TG: variants seen among roughly 807,000 people sequenced by gnomAD.
TG encodes the protein thyroglobulin, also known as thyroid hormones.
In TG, 270 loss-of-function variants were observed where a neutral mutation model predicts 324.7. That is an observed-to-expected ratio of 0.83 (90% CI 0.75 to 0.92). The LOEUF is 0.92. Among genes scored for constraint, TG ranks in the 40% least tolerant of loss-of-function variants. The probability of loss-of-function intolerance (pLI) is 0.00; values close to 1 mark genes in which losing one functional copy is unlikely to be tolerated. For synonymous variants in TG, 1,401 were observed against 1,327.0 expected (o/e 1.06, Z -1.21); for missense variants, 3,591 against 3,456.4 (o/e 1.04, Z -0.98).
At chr8:132,981,329 C>A (rs578097727) in intron 34 of TG, among the ~76,000 whole-genome samples, 1 of 152,282 alleles carries the variant, frequency 6.6e-6, no homozygotes, top group East Asian at 1.9e-4. Flanking sequence ...GAGATGTTTC[C>A]TTTGCAAACA....
intron 2 of TG, among the ~76,000 whole-genome samples, chr8:132,869,128 C>G (rs1490494327): frequency 6.6e-6 from 1 of 152,196 alleles, no homozygotes; most frequent in East Asian, 1.9e-4. Flanking sequence ...ATTCCCAACT[C>G]TCTTGTTCTG....
rs1292165083 is a variant in TG at position 132,965,878 on chromosome 8, CA to C, written c.5549-680del. Among the ~76,000 whole-genome samples, 12 of 152,284 alleles carry C rather than the reference CA, an allele frequency of 7.9e-5. No individual in the cohort carries two copies. The East Asian group carries it at 2.3e-3, about 29-fold the overall frequency. ...ACAATCCGAGTTGAGGCTGAAAATG[CA>C]AGTAGAGCCCAGATTAAGAAAAGAA... On this transcript the variant is annotated intron_variant, in intron 29 of 47. Coordinates refer to ENST00000220616, the MANE Select transcript of TG (RefSeq NM_003235.5).
intron 1 of TG, 86 bp from the exon 2 acceptor site, chr8:132,868,028 GA>G (rs541463839): frequency 1.1e-5 from 13 of 1,230,112 alleles, no homozygotes; most frequent in Non-Finnish European, 1.6e-5. Context: ...GATGACCCTG[GA>G]AAAGCATCTG....
At chr8:132,935,895 C>A (rs369702130) in intron 25 of TG, 31 bp downstream of exon 25, 1 of 1,569,244 alleles carries the variant, frequency 6.4e-7, no homozygotes, top group Non-Finnish European at 8.8e-7. Flanking sequence ...GGCTTAGGCC[C>A]GCGGTGGCTT....
intron 41 of TG, among the ~76,000 whole-genome samples, chr8:133,039,206 A>G (rs1285465554): frequency 6.6e-6 from 1 of 152,134 alleles, no homozygotes; most frequent in Non-Finnish European, 1.5e-5. Context: ...TTATTACCCT[A>G]ACCTATTACT....
Position 133,022,029 on chromosome 8 carries a change from C to T in TG, c.6915C>T (p.Thr2305=). 2.5e-6 allele frequency: 4 copies of T among 1,614,168 alleles called. No individual in the cohort carries two copies. The highest frequency in any genetic ancestry group is 3.4e-6 in the Non-Finnish European group (4 of 1,180,038). ...NASVLVFFHN[T]MDREESEGWP... Reference sequence around the variant, plus strand: ...CTGTGCTGGTGTTCTTCCACAACACCATGGACAGGGAGGAGAGTGAAGGAT... The same window carrying T: ...CTGTGCTGGTGTTCTTCCACAACACTATGGACAGGGAGGAGAGTGAAGGAT... The change falls in exon 40 of 48, where the codon ACC becomes ACT. Residue 2305 remains threonine (T), a synonymous_variant. Coordinates refer to ENST00000220616, the MANE Select transcript of TG (RefSeq NM_003235.5).
intron 40 of TG, 41 bp downstream of exon 40, chr8:133,022,191 C>A: frequency 6.2e-7 from 1 of 1,613,344 alleles, no homozygotes; most frequent in Non-Finnish European, 8.5e-7. Context: ...ACCCCCTGAG[C>A]CAAGGCTCAG....
At chr8:133,002,935 A>G in intron 35 of TG, 1 of 958,506 alleles carries the variant, frequency 1.0e-6, no homozygotes, top group African/African-American at 1.8e-5. Flanking sequence ...ACCTTTTTGA[A>G]CAGTGCCCAT....
At chr8:132,980,245 A>G (rs114531507) in intron 34 of TG, among the ~76,000 whole-genome samples, 2,466 of 152,202 alleles carry the variant, frequency 0.016, 72 homozygotes, top group African/African-American at 0.057. Flanking sequence ...AGAGTAGAAG[A>G]TTGAAACTCT....
intron 37 of TG, among the ~76,000 whole-genome samples, chr8:133,017,125 A>G (rs1222359067): frequency 6.6e-6 from 1 of 152,166 alleles, no homozygotes; most frequent in Non-Finnish European, 1.5e-5. Flanking sequence ...TTTGAATCCT[A>G]CATCACCCTA....
chr8:133,017,461 T>C (rs994704087), intron 37 of TG, among the ~76,000 whole-genome samples: 3 of 152,290 alleles, frequency 2.0e-5, no homozygotes, highest in African/African-American at 7.2e-5. Flanking sequence ...TGCTGTTTGC[T>C]TCTCTGTTCT....
intron 35 of TG, among the ~76,000 whole-genome samples, chr8:132,987,401 T>C (rs1244112547): frequency 2.0e-5 from 3 of 150,200 alleles, no homozygotes; most frequent in African/African-American, 7.4e-5. Flanking sequence ...ACGTATGCAC[T>C]GTGTATATGT....
rs752217675 is a variant in TG, at chr8:132,911,414, G to C, written c.4040G>C (p.Cys1347Ser). 2 of 1,614,210 alleles carry C rather than the reference G, an allele frequency of 1.2e-6. No homozygotes were observed. The highest frequency in any genetic ancestry group is 3.3e-5 in the Admixed American group (2 of 60,026). ...TFGTLVSIPV[C>S]NNSSVQVGCL... is the part of the protein sequence containing the mutation. ...GGCACCCTGGTTTCCATTCCTGTCT[G>C]CAACAACTCCTCTGTGCAGGTGGGT... Residue 1347 changes from cysteine to serine, a missense_variant, in exon 19 of 48, where the codon TGC becomes TCC. Coordinates refer to ENST00000220616, the MANE Select transcript of TG (RefSeq NM_003235.5).
At chr8:132,948,239 G>T (rs1825608454) in intron 26 of TG, among the ~76,000 whole-genome samples, 1 of 89,796 alleles carries the variant, frequency 1.1e-5, no homozygotes, top group Non-Finnish European at 2.2e-5. Context: ...GACCCTTCAA[G>T]GTTGATCTTG....
intron 35 of TG, among the ~76,000 whole-genome samples, chr8:133,005,307 G>A (rs1210733975): frequency 6.6e-6 from 1 of 152,130 alleles, no homozygotes; most frequent in Admixed American, 6.5e-5. Flanking sequence ...GGGGCGAGGG[G>A]AGGAGGGGTC....
rs755217085 is a variant in TG, at chr8:133,013,772, C to A, written c.6562+8C>A. 70 of 1,607,288 alleles carry A rather than the reference C, an allele frequency of 4.4e-5. No individual in the cohort carries two copies. The highest frequency in any genetic ancestry group is 5.8e-5 in the Non-Finnish European group (68 of 1,179,640). On this transcript the variant is annotated splice_region_variant and intron_variant, in intron 37 of 47. Coordinates refer to ENST00000220616, the MANE Select transcript of TG (RefSeq NM_003235.5). ...ACATCTACCGGAAGCCAGGTAAGCC[C>A]AAGCCTATGCCTTTGCAGCCATCCT...
chr8:133,000,597 A>G (rs1833368594), intron 35 of TG, among the ~76,000 whole-genome samples: 2 of 152,240 alleles, frequency 1.3e-5, no homozygotes, highest in Admixed American at 1.3e-4. Flanking sequence ...TGACCGGAAG[A>G]GTCACATCAG....
intron 30 of TG, among the ~76,000 whole-genome samples, chr8:132,967,223 CATCCATCCATCCATCCATCCATCCATCT>C (rs147740731): frequency 0.24 from 31,914 of 131,848 alleles, 5,714 homozygotes; most frequent in African/African-American, 0.51. Flanking sequence ...TCCATCCATC[CATCCATCCATCCATCCATCCATCCATCT>C]ATCCATCCAT....
At position 132,966,466 on chromosome 8, in the gene TG, CTG is replaced by C. The variant is rs58797860; in HGVS notation, c.5549-74_5549-73del. On this transcript the variant is annotated intron_variant, in intron 29 of 47. Coordinates refer to ENST00000220616, the MANE Select transcript of TG (RefSeq NM_003235.5). The stretch of plus-strand genomic sequence containing the variant: ...ACACTTTCTCTCTCTGTCTCTCTCT[CTG>C]TGTGTGTGTGTGTGTGTGTTTCTTT... The C allele has an allele frequency of 7.3e-3, 6,914 of 949,760 alleles. 16 individuals carry two copies. Among genetic ancestry groups the C allele is most frequent in the African/African-American group, 0.033 (1,734 of 52,894 alleles). The allele number at this position is 949,760 out of a possible 1,614,324, so 58.8% of individuals were successfully genotyped here.
Sources: allele counts gnomAD v4.1 joint callset (sites outside exome capture counted in the v4.1 genomes callset), GRCh38; gene constraint gnomAD v4.1.1; transcripts MANE v1.5; gene names NCBI Gene and HGNC (gene_info 2026-07-23, HGNC 2026-07-21).